ZFAND1: variants seen among roughly 807,000 people sequenced by gnomAD.
ZFAND1 encodes AN1-type zinc finger protein 1.
A neutral mutation model predicts 38.5 loss-of-function variants in ZFAND1; 40 were observed. The observed-to-expected ratio is 1.04, with a 90% CI of 0.81 to 1.35. The LOEUF (loss-of-function observed/expected upper bound fraction) is 1.35. Among genes scored for constraint, ZFAND1 ranks in the 40% most tolerant of loss-of-function variants. The probability of loss-of-function intolerance (pLI) is 0.00; values close to 1 mark genes in which losing one functional copy is unlikely to be tolerated. For synonymous variants in ZFAND1, 117 were observed against 103.6 expected, an observed-to-expected ratio of 1.13 and a Z score of -0.78; for missense variants, 346 against 316.3, an observed-to-expected ratio of 1.09 and a Z score of -0.71.
chr8:81,714,473 G>A, intron 5 of ZFAND1: 1 of 290,130 alleles, frequency 3.4e-6, no homozygotes. Context: ...TCACAGAACA[G>A]CTGACTAGGC....
At position 81,717,281 on chromosome 8, in the gene ZFAND1, G is replaced by T; in HGVS notation, c.106C>A (p.His36Asn). 1.3e-6 allele frequency: 2 copies of T among 1,531,688 alleles called. No individual in the cohort carries two copies. The highest frequency in any genetic ancestry group is 1.7e-6 in the Non-Finnish European group (2 of 1,149,378). 94.9% of individuals were successfully genotyped at this position (1,531,688 alleles called of 1,614,324 possible). Residue 36 changes from histidine to asparagine, a missense_variant, in exon 3 of 8, where the codon CAC (histidine) becomes AAC (asparagine). Physicochemically the swap from His to Asn is moderately conservative, Grantham distance 68. Coordinates refer to ENST00000220669, the MANE Select transcript of ZFAND1 (RefSeq NM_024699.3). ...DDCSGIFCLE[H>N]RSRESHGCPE... ...CAACCATGAGACTCCCTGCTTCTGTGTTCAAGGCTTAAATAATAATAGCAA... is the reference window on the plus strand; with the variant it reads ...CAACCATGAGACTCCCTGCTTCTGTTTTCAAGGCTTAAATAATAATAGCAA...
chr8:81,707,779 GAAATA>G (rs1232450266), intron 6 of ZFAND1, among the ~76,000 whole-genome samples: 1 of 152,034 alleles, frequency 6.6e-6, no homozygotes, highest in African/African-American at 2.4e-5. Flanking sequence ...TCCATATACA[GAAATA>G]AAATGTTCAA....
In ZFAND1 at chr8:81,719,008, G is replaced by A. The variant is rs1455871607; in HGVS notation, c.56-784C>T. ...TGTGTATATATGTATATGTGTGTAT[G>A]CATGTGTATCTATATCTGTATCTAT... is the stretch of plus-strand genomic sequence containing the variant. On this transcript the variant is annotated intron_variant, in intron 1 of 7. Coordinates refer to ENST00000220669, the MANE Select transcript of ZFAND1 (RefSeq NM_024699.3). 5.3e-5 allele frequency among the ~76,000 whole-genome samples: 8 copies of A among 152,020 alleles called. No individual in the cohort carries two copies. The South Asian group carries it at 1.7e-3, about 32-fold the overall frequency.
intron 6 of ZFAND1, among the ~76,000 whole-genome samples, chr8:81,703,338 T>C (rs576619835): frequency 9.2e-5 from 14 of 152,312 alleles, no homozygotes; most frequent in Admixed American, 2.6e-4. Context: ...CAAAGACAGA[T>C]ATGTGGCCTA....
At position 81,718,194 on chromosome 8, in the gene ZFAND1, G is replaced by A; in HGVS notation, c.86C>T (p.Ser29Leu). The A allele has an allele frequency of 1.3e-6, 2 of 1,574,670 alleles. No homozygotes were observed. The highest frequency in any genetic ancestry group is 1.2e-5 in the South Asian group (1 of 84,950). ...AAACTTAACTTACCAAAATATTCCT[G>A]AACAATCATCACACACAAATGGAAG... ...DFLPFVCDDC[S>L]GIFCLEHRSR... The change falls in exon 2 of 8, where the codon TCA becomes TTA. Residue 29 changes from serine (S) to leucine (L), a missense_variant. By Grantham distance (145) the Ser-to-Leu change is moderately radical. Coordinates refer to ENST00000220669, the MANE Select transcript of ZFAND1 (RefSeq NM_024699.3).
At chr8:81,720,520 G>A (rs541041480) in intron 1 of ZFAND1, among the ~76,000 whole-genome samples, 1 of 152,240 alleles carries the variant, frequency 6.6e-6, no homozygotes, top group Admixed American at 6.5e-5. Flanking sequence ...ACCATTTGGT[G>A]GAATAATCTG....
At chr8:81,720,978 C>A in intron 1 of ZFAND1, 1 of 543,522 alleles carries the variant, frequency 1.8e-6, no homozygotes, top group Non-Finnish European at 3.3e-6. Context: ...CCACCCCGCT[C>A]CTCAGGCCCT....
chr8:81,719,250 C>T (rs1354528135), intron 1 of ZFAND1, among the ~76,000 whole-genome samples: 1 of 150,708 alleles, frequency 6.6e-6, no homozygotes, highest in Non-Finnish European at 1.5e-5. Flanking sequence ...GGGCGGATCA[C>T]CTGAGGTCAA....
At chr8:81,712,328 TGATTA>T (rs1563607124) in intron 6 of ZFAND1, among the ~76,000 whole-genome samples, 1 of 152,134 alleles carries the variant, frequency 6.6e-6, no homozygotes, top group African/African-American at 2.4e-5. Flanking sequence ...GTCAGAAACA[TGATTA>T]AGATTCCTTC....
At chr8:81,721,029 G>A in intron 1 of ZFAND1, 198 bp downstream of exon 1, 3 of 586,770 alleles carry the variant, frequency 5.1e-6, no homozygotes, top group Non-Finnish European at 9.1e-6. Flanking sequence ...GAGACCACAC[G>A]TCATTTCAAA....
intron 1 of ZFAND1, among the ~76,000 whole-genome samples, chr8:81,720,556 G>C (rs1279516743): frequency 6.6e-6 from 1 of 152,184 alleles, no homozygotes; most frequent in African/African-American, 2.4e-5. Flanking sequence ...TTGAGAATTT[G>C]ATAAAAGCTA....
chr8:81,713,977 C>T lies in ZFAND1; in HGVS notation c.421G>A (p.Ala141Thr), dbSNP rs766427243. ...TTTAATTTCATCAATGCAACCTTTGCAGCTGTTTCACTATTTTTGGCACCT... is the reference window on the plus strand; with the variant it reads ...TTTAATTTCATCAATGCAACCTTTGTAGCTGTTTCACTATTTTTGGCACCT... ...WKGAKNSETAAKVALMKLKMH... is the reference protein window; with the variant it reads ...WKGAKNSETATKVALMKLKMH... The change falls in exon 6 of 8, where the codon GCA (alanine) becomes ACA (threonine). Residue 141 changes from alanine (A) to threonine (T), a missense_variant. Ala to Thr is a moderately conservative substitution (Grantham distance 58). Coordinates refer to ENST00000220669, the MANE Select transcript of ZFAND1 (RefSeq NM_024699.3). The T allele has an allele frequency of 5.6e-6, 9 of 1,612,482 alleles. 1 individual carries two copies. Among genetic ancestry groups the T allele is most frequent in the South Asian group, 3.3e-5 (3 of 90,726 alleles).
intron 6 of ZFAND1, among the ~76,000 whole-genome samples, chr8:81,706,933 AAAG>A (rs1172159261): frequency 2.0e-5 from 3 of 152,202 alleles, no homozygotes; most frequent in Non-Finnish European, 2.9e-5. Context: ...ATACAATATA[AAAG>A]AAGAAAAATA....
intron 5 of ZFAND1, chr8:81,714,369 T>C: frequency 3.9e-6 from 1 of 253,852 alleles, no homozygotes. Context: ...CTATCCTTAA[T>C]ATGGAATAAA....
chr8:81,714,746 T>A, intron 5 of ZFAND1, 58 bp downstream of exon 5: 1 of 1,473,642 alleles, frequency 6.8e-7, no homozygotes, highest in South Asian at 1.1e-5. Context: ...AAAGTAGATA[T>A]AAGAAGCAGG....
rs753909303 is a variant in ZFAND1, at chr8:81,703,128, TAAAAAG to T, written c.481-10_481-5del. 16 of 1,484,932 alleles carry T rather than the reference TAAAAAG, an allele frequency of 1.1e-5. No homozygotes were observed. The highest frequency in any genetic ancestry group is 1.4e-5 in the Non-Finnish European group (16 of 1,111,424). The allele number at this position is 1,484,932 out of a possible 1,614,324, so 92.0% of individuals were successfully genotyped here. ...CCTGAAAGTAAATTCTTTCTGTCTG[TAAAAAG>T]AAAAAGTTAAAACAACCATTACATA... On this transcript the variant is annotated splice_polypyrimidine_tract_variant and splice_region_variant and intron_variant, in intron 6 of 7. Coordinates refer to ENST00000220669, the MANE Select transcript of ZFAND1 (RefSeq NM_024699.3).
chr8:81,720,385 T>C (rs1230839601), intron 1 of ZFAND1, among the ~76,000 whole-genome samples: 1 of 152,210 alleles, frequency 6.6e-6, no homozygotes, highest in Non-Finnish European at 1.5e-5. Flanking sequence ...TGGAAAGGTC[T>C]TCCGTGTAAA....
chr8:81,717,240 C>G lies in ZFAND1; in HGVS notation c.138+9G>C. 1 of 1,535,216 alleles carries G rather than the reference C, an allele frequency of 6.5e-7. No homozygotes were observed. On this transcript the variant is annotated intron_variant, in intron 3 of 7. Transcript: ENST00000220669. Reference sequence around the variant, plus strand: ...TACATTTTATCAGATTGGAAAAATACTAACATACCTCAGGACAACCATGAG... The same window carrying G: ...TACATTTTATCAGATTGGAAAAATAGTAACATACCTCAGGACAACCATGAG...
chr8:81,713,257 GGA>G (rs1393907723), intron 6 of ZFAND1, among the ~76,000 whole-genome samples: 11 of 93,664 alleles, frequency 1.2e-4, no homozygotes, highest in African/African-American at 1.9e-4. Context: ...CGAGTAGCTG[GGA>G]CTACAGGCGC....
Sources: gnomAD v4.1 joint callset for allele counts (sites outside exome capture counted in the v4.1 genomes callset) on GRCh38, gnomAD v4.1.1 for gene constraint, MANE v1.5 for transcripts, NCBI Gene and HGNC (gene_info 2026-07-23, HGNC 2026-07-21) for gene names.